COL22A1: variants seen among roughly 807,000 people sequenced by gnomAD.
COL22A1 encodes the protein collagen type XXII alpha 1 chain, also known as collagen alpha-1(XXII) chain.
COL22A1 carries 221 observed loss-of-function variants against 248.9 expected under a neutral mutation model. That is an observed-to-expected ratio of 0.89 (90% confidence interval 0.80 to 0.99). The LOEUF (loss-of-function observed/expected upper bound fraction) is 0.99. Among genes scored for constraint, COL22A1 ranks in the 50% least tolerant of loss-of-function variants. The probability of loss-of-function intolerance (pLI) is 0.00; values close to 1 mark genes in which losing one functional copy is unlikely to be tolerated. For missense variants in COL22A1, 2,240 were observed against 2,179.0 expected (o/e 1.03, Z -0.56); for synonymous variants, 891 against 793.4 (o/e 1.12, Z -2.07).
intron 60 of COL22A1, among the ~76,000 whole-genome samples, chr8:138,601,280 C>A (rs558826974): frequency 6.4e-4 from 98 of 152,228 alleles, no homozygotes; most frequent in Non-Finnish European, 6.0e-4. Context: ...GGGAAGGAGA[C>A]AGGAGGAAGA....
chr8:138,776,855 G>A lies in COL22A1; in HGVS notation c.1759-845C>T, dbSNP rs1054455793. On this transcript the variant is annotated intron_variant, in intron 15 of 64. Transcript: ENST00000303045. ...AACTGACCCAGTGAGTGACTGTGTC[G>A]ATCCCTCGTTTGGCACAGGAATCTT... Among the ~76,000 whole-genome samples, 4 of 152,146 alleles carry A rather than the reference G, an allele frequency of 2.6e-5. No homozygotes were observed. The East Asian group carries it at 7.7e-4, about 29-fold the overall frequency.
chr8:138,810,496 A>T (rs1189959943), intron 9 of COL22A1, among the ~76,000 whole-genome samples: 2 of 152,234 alleles, frequency 1.3e-5, no homozygotes, highest in African/African-American at 4.8e-5. Flanking sequence ...TGTGTGCACC[A>T]GCCCTGGCTC....
chr8:138,674,904 T>C (rs973417666), intron 41 of COL22A1, among the ~76,000 whole-genome samples: 2 of 152,214 alleles, frequency 1.3e-5, no homozygotes, highest in Non-Finnish European at 2.9e-5. Context: ...GCTGCACTTA[T>C]TGTTACAGTG....
intron 3 of COL22A1, among the ~76,000 whole-genome samples, chr8:138,865,853 A>G (rs1202801811): frequency 7.1e-6 from 1 of 141,262 alleles, no homozygotes; most frequent in Non-Finnish European, 1.5e-5. Flanking sequence ...CTGTGAGTGT[A>G]CGTGTGTGTA....
At chr8:138,695,762 G>T (rs1037906439) in intron 32 of COL22A1, among the ~76,000 whole-genome samples, 3 of 152,024 alleles carry the variant, frequency 2.0e-5, no homozygotes, top group Non-Finnish European at 4.4e-5. Flanking sequence ...GGGTTGAAGG[G>T]ACATGTGATC....
chr8:138,898,511 T>C (rs2318347), intron 1 of COL22A1, among the ~76,000 whole-genome samples: 90,089 of 151,978 alleles, frequency 0.59, 28,572 homozygotes, highest in East Asian at 0.85. Context: ...GTTTATGGGA[T>C]TGGGATGAGC....
At chr8:138,894,448 T>C (rs1825263204) in intron 1 of COL22A1, among the ~76,000 whole-genome samples, 1 of 152,100 alleles carries the variant, frequency 6.6e-6, no homozygotes, top group African/African-American at 2.4e-5. Flanking sequence ...GAAGAACATC[T>C]GGAAGCAAGC....
chr8:138,741,014 G>C (rs1831514927), intron 22 of COL22A1, among the ~76,000 whole-genome samples: 1 of 152,160 alleles, frequency 6.6e-6, no homozygotes, highest in Non-Finnish European at 1.5e-5. Flanking sequence ...GGAGATTCCT[G>C]GGGTTCTAAC....
At chr8:138,698,123 G>A (rs1040995921) in intron 32 of COL22A1, among the ~76,000 whole-genome samples, 8 of 152,204 alleles carry the variant, frequency 5.3e-5, no homozygotes, top group African/African-American at 1.9e-4. Context: ...TCAACCCCGA[G>A]GGGCTCAGGG....
chr8:138,854,325 A>G (rs189031947), intron 3 of COL22A1, among the ~76,000 whole-genome samples: 1 of 152,322 alleles, frequency 6.6e-6, no homozygotes, highest in East Asian at 1.9e-4. Flanking sequence ...AGAAAGGACA[A>G]GAGGACAAGA....
chr8:138,799,499 A>T (rs1345081943), intron 11 of COL22A1, among the ~76,000 whole-genome samples: 1 of 152,136 alleles, frequency 6.6e-6, no homozygotes, highest in East Asian at 1.9e-4. Context: ...TTGCTCACTG[A>T]CTTGGCTAGA....
Position 138,591,562 on chromosome 8 carries a change from G to A in COL22A1, c.4616-61C>T, listed in dbSNP as rs78575372. The A allele has an allele frequency of 4.6e-3, 6,125 of 1,342,974 alleles. 139 individuals carry two copies. The East Asian group carries it at 0.049, about 11-fold the overall frequency. 83.2% of individuals were successfully genotyped at this position (1,342,974 alleles called of 1,614,324 possible). On this transcript the variant is annotated intron_variant, in intron 63 of 64. Transcript: ENST00000303045. ...CCCCCGGGGAGGACAGAAACTGGGC[G>A]TCCCACCTTGCGGGAGGTGCAGGGG... is the stretch of plus-strand genomic sequence containing the variant.
At chr8:138,757,914 C>A (rs1446968603) in intron 18 of COL22A1, among the ~76,000 whole-genome samples, 7 of 152,232 alleles carry the variant, frequency 4.6e-5, no homozygotes, top group Non-Finnish European at 1.0e-4. Flanking sequence ...CTGCTTCCTG[C>A]ATGCAACCCT....
intron 5 of COL22A1, chr8:138,828,242 T>A (rs1340819639): frequency 6.6e-6 from 1 of 152,020 alleles, no homozygotes; most frequent in Non-Finnish European, 1.5e-5. Flanking sequence ...CTGGTTGATT[T>A]TCCTGGAGGA....
chr8:138,818,367 T>TCCAC (rs943096575), intron 7 of COL22A1, among the ~76,000 whole-genome samples: 1 of 152,212 alleles, frequency 6.6e-6, no homozygotes, highest in African/African-American at 2.4e-5. Context: ...GTGAGCAGCA[T>TCCAC]CCACCCACCT....
At chr8:138,694,669 G>T in intron 33 of COL22A1, 108 bp from the exon 34 acceptor site, 1 of 1,378,520 alleles carries the variant, frequency 7.3e-7, no homozygotes, top group Non-Finnish European at 1.0e-6. Flanking sequence ...CCAAGGAGGG[G>T]ACGTAGCTAG....
intron 27 of COL22A1, among the ~76,000 whole-genome samples, chr8:138,719,066 T>G (rs1829664894): frequency 6.6e-6 from 1 of 152,140 alleles, no homozygotes; most frequent in African/African-American, 2.4e-5. Context: ...AACACAACCA[T>G]AAGGTATGGT....
chr8:138,877,700 C>T, intron 3 of COL22A1, 50 bp downstream of exon 3: 1 of 1,503,902 alleles, frequency 6.6e-7, no homozygotes, highest in African/African-American at 1.4e-5. Context: ...GTGGGCTCAG[C>T]AGGGGGCGTC....
chr8:138,710,614 T>TAGATATATAG (rs1189358182), intron 30 of COL22A1, among the ~76,000 whole-genome samples: 1 of 70,584 alleles, frequency 1.4e-5, no homozygotes, highest in African/African-American at 4.9e-5. Context: ...TATCTATATA[T>TAGATATATAG]ATATATCTCC....
Sources: allele counts gnomAD v4.1 joint callset (sites outside exome capture counted in the v4.1 genomes callset), GRCh38; gene constraint gnomAD v4.1.1; transcripts MANE v1.5; gene names NCBI Gene and HGNC (gene_info 2026-07-23, HGNC 2026-07-21).